KLHL31: variants seen among roughly 807,000 people sequenced by gnomAD.
The protein encoded by KLHL31 is kelch like family member 31.
In KLHL31, 32 loss-of-function variants were observed where a neutral mutation model predicts 47.1. The ratio of observed to expected loss-of-function variants is 0.68; its 90% CI spans 0.51 to 0.91. KLHL31 has a LOEUF of 0.91. Ranked by LOEUF, KLHL31 falls within the 40% of genes least tolerant of loss-of-function variation. The pLI, the probability that KLHL31 is intolerant of heterozygous loss-of-function variation, is 0.00. For synonymous variants in KLHL31, 330 were observed against 325.1 expected, an observed-to-expected ratio of 1.01 and a Z score of -0.16; for missense variants, 797 against 819.3, an observed-to-expected ratio of 0.97 and a Z score of 0.33.
rs1381874891 is a variant in KLHL31, at chr6:53,665,583, C to G, written c.-34+18G>C. ...ATCTAGAAGGCAGGAATTGGCGACT[C>G]TGGTCCCAGCTCCTTACCCTCCTTG... On this transcript the variant is annotated intron_variant, in intron 1 of 2. Transcript: ENST00000370905. 1 of 152,410 alleles carries G rather than the reference C, an allele frequency of 6.6e-6. No individual in the cohort carries two copies. Among genetic ancestry groups the G allele is most frequent in the Non-Finnish European group, 1.5e-5 (1 of 68,118 alleles). The allele number at this position is 152,410 out of a possible 1,614,324, so 9.4% of individuals were successfully genotyped here.
At chr6:53,663,158 C>T (rs1351390440) in intron 1 of KLHL31, among the ~76,000 whole-genome samples, 1 of 152,004 alleles carries the variant, frequency 6.6e-6, no homozygotes, top group Non-Finnish European at 1.5e-5. Context: ...CCATGGAAAC[C>T]CTGGGCCCCT....
At chr6:53,653,056 C>T (rs9474616) in intron 2 of KLHL31, among the ~76,000 whole-genome samples, 2 of 151,946 alleles carry the variant, frequency 1.3e-5, no homozygotes, top group African/African-American at 2.4e-5. Context: ...TTTCAGTGCT[C>T]GGAACTATCC....
At chr6:53,660,241 A>G (rs1488765684) in intron 1 of KLHL31, among the ~76,000 whole-genome samples, 1 of 152,044 alleles carries the variant, frequency 6.6e-6, no homozygotes, top group South Asian at 2.1e-4. Context: ...TGAATATACC[A>G]TGTGCATTTC....
In KLHL31 at chr6:53,650,887, A is replaced by C. The variant is rs1440865440; in HGVS notation, c.*711T>G. The C allele has an allele frequency of 1.3e-5, 2 of 152,218 alleles. No homozygotes were observed. Among genetic ancestry groups the C allele is most frequent in the African/African-American group, 4.8e-5 (2 of 41,456 alleles). 9.4% of individuals were successfully genotyped at this position (152,218 alleles called of 1,614,324 possible). On this transcript the variant is annotated 3_prime_UTR_variant, in exon 3 of 3. Coordinates refer to ENST00000370905, the MANE Select transcript of KLHL31 (RefSeq NM_001003760.5). ...TATCAATTACTTCATTGAGAGCATG[A>C]TTTTATGGTAGAAAATAAACTGGGG...
chr6:53,651,620 G>T lies in KLHL31; in HGVS notation c.1883C>A (p.Ser628Tyr). ...GGCTCAGATACTGACTGGCACAGAA[G>T]ATACCGAACTGGCCCGGGATTCCCG... ...VTRESRASSV[S>Y]SVPVSI Residue 628 changes from serine to tyrosine, a missense_variant, in exon 3 of 3, where the codon TCT (serine) becomes TAT (tyrosine). Physicochemically the swap from Ser to Tyr is moderately radical, Grantham distance 144. Transcript: ENST00000370905. 1 of 1,613,922 alleles carries T rather than the reference G, an allele frequency of 6.2e-7. No homozygotes were observed. Among genetic ancestry groups the T allele is most frequent in the African/African-American group, 1.3e-5 (1 of 75,040 alleles).
At chr6:53,661,266 C>T (rs149254334) in intron 1 of KLHL31, among the ~76,000 whole-genome samples, 77 of 152,264 alleles carry the variant, frequency 5.1e-4, no homozygotes, top group African/African-American at 1.7e-3. Context: ...AAGACTAGCT[C>T]CCTCTTTATG....
chr6:53,652,012 C>G lies in KLHL31; in HGVS notation c.1491G>C (p.Pro497=). The change falls in exon 3 of 3, where the codon CCG becomes CCC. Residue 497 remains proline (P), a synonymous_variant. Transcript: ENST00000370905. ...GCCAGCCCCGGGGTGTGCTGAGGTT[C>G]GGCAGCTCCTGCCACGAGTCGCTGG... ...DPASDSWQEL[P]NLSTPRGWHC... The G allele has an allele frequency of 6.3e-7, 1 of 1,590,818 alleles. No individual in the cohort carries two copies. Among genetic ancestry groups the G allele is most frequent in the Non-Finnish European group, 8.5e-7 (1 of 1,174,730 alleles).
chr6:53,659,388 G>T (rs922629135), intron 1 of KLHL31, among the ~76,000 whole-genome samples: 1 of 152,232 alleles, frequency 6.6e-6, no homozygotes, highest in African/African-American at 2.4e-5. Flanking sequence ...AACCCCGAAA[G>T]TTCAGAAAAC....
chr6:53,656,260 A>G (rs180851183), intron 1 of KLHL31, among the ~76,000 whole-genome samples: 125 of 152,262 alleles, frequency 8.2e-4, no homozygotes, highest in Non-Finnish European at 1.2e-3. Context: ...TCTATAAGAT[A>G]TTTTTTCTTT....
intron 1 of KLHL31, among the ~76,000 whole-genome samples, chr6:53,662,700 T>C (rs1236048384): frequency 2.0e-5 from 3 of 152,174 alleles, no homozygotes; most frequent in Non-Finnish European, 4.4e-5. Context: ...CACACTCCCC[T>C]CCCCATGCCT....
At chr6:53,655,461 A>G (rs1764546811) in intron 1 of KLHL31, among the ~76,000 whole-genome samples, 156 bp from the exon 2 acceptor site, 1 of 152,216 alleles carries the variant, frequency 6.6e-6, no homozygotes, top group Non-Finnish European at 1.5e-5. Flanking sequence ...CTAGATGTAC[A>G]TTTTACAGAC....
At chr6:53,658,751 T>G (rs1764606458) in intron 1 of KLHL31, among the ~76,000 whole-genome samples, 1 of 152,210 alleles carries the variant, frequency 6.6e-6, no homozygotes, top group Admixed American at 6.5e-5. Context: ...GGAAAGCCAT[T>G]TAATTTTCAA....
At chr6:53,659,494 T>C (rs939087449) in intron 1 of KLHL31, among the ~76,000 whole-genome samples, 2 of 152,136 alleles carry the variant, frequency 1.3e-5, no homozygotes, top group Non-Finnish European at 2.9e-5. Context: ...AGGACTATTG[T>C]GGTGGGGTGG....
intron 1 of KLHL31, among the ~76,000 whole-genome samples, chr6:53,663,754 T>C (rs1764680441): frequency 6.6e-6 from 1 of 152,200 alleles, no homozygotes; most frequent in African/African-American, 2.4e-5. Context: ...GCTCTTTTTC[T>C]TTCCTAGTAT....
At position 53,654,362 on chromosome 6, in the gene KLHL31, A is replaced by G; in HGVS notation, c.911T>C (p.Leu304Ser). 6.2e-7 allele frequency: 1 copy of G among 1,614,194 alleles called. No individual in the cohort carries two copies. The highest frequency in any genetic ancestry group is 2.2e-5 in the East Asian group (1 of 44,886). ...TCGGATTCTTGTTCGCCTAGATTGCAATGTGTTTTGATGATATGGAAGCAA... is the reference window on the plus strand; with the variant it reads ...TCGGATTCTTGTTCGCCTAGATTGCGATGTGTTTTGATGATATGGAAGCAA... ...YHLLPYHQNTLQSRRTRIRGG... is the reference protein window; with the variant it reads ...YHLLPYHQNTSQSRRTRIRGG... Residue 304 changes from leucine (L) to serine (S), a missense_variant, in exon 2 of 3, where the codon TTG becomes TCG. Coordinates refer to ENST00000370905, the MANE Select transcript of KLHL31 (RefSeq NM_001003760.5).
chr6:53,660,537 G>A (rs972778542), intron 1 of KLHL31, among the ~76,000 whole-genome samples: 1 of 152,200 alleles, frequency 6.6e-6, no homozygotes, highest in African/African-American at 2.4e-5. Context: ...AGTCAGGCTG[G>A]GTGCCATGGC....
At chr6:53,656,754 CTTGTTT>C (rs1006280511) in intron 1 of KLHL31, among the ~76,000 whole-genome samples, 3 of 151,906 alleles carry the variant, frequency 2.0e-5, no homozygotes, top group East Asian at 3.9e-4. Context: ...AGCTAGGGAT[CTTGTTT>C]TTGTTTTTGT....
At chr6:53,658,236 G>A (rs1255287394) in intron 1 of KLHL31, among the ~76,000 whole-genome samples, 3 of 151,688 alleles carry the variant, frequency 2.0e-5, no homozygotes, top group Non-Finnish European at 4.4e-5. Flanking sequence ...GAAAATTTTG[G>A]GGGGAAAGTC....
At chr6:53,661,251 C>G (rs938669673) in intron 1 of KLHL31, among the ~76,000 whole-genome samples, 2 of 152,280 alleles carry the variant, frequency 1.3e-5, no homozygotes, top group East Asian at 3.9e-4. Context: ...GGCCCTGTTA[C>G]AGAAAAGACT....
Sources: gnomAD v4.1 joint callset for allele counts (sites outside exome capture counted in the v4.1 genomes callset) on GRCh38, gnomAD v4.1.1 for gene constraint, MANE v1.5 for transcripts, NCBI Gene and HGNC (gene_info 2026-07-23, HGNC 2026-07-21) for gene names.